Variants in GRIK2 observed in about 807,000 individuals in gnomAD.
The protein encoded by GRIK2 is glutamate ionotropic receptor kainate type subunit 2.
A neutral mutation model predicts 100.3 loss-of-function variants in GRIK2; 32 were observed. The ratio of observed to expected loss-of-function variants is 0.32; its 90% confidence interval spans 0.24 to 0.43. The LOEUF (loss-of-function observed/expected upper bound fraction) is 0.43. Ranked by LOEUF, GRIK2 falls within the 20% of genes least tolerant of loss-of-function variation. GRIK2 has a pLI of 1.00. For missense variants in GRIK2, 843 were observed against 1,114.9 expected (o/e 0.76, Z 3.47); for synonymous variants, 417 against 389.4 (o/e 1.07, Z -0.83).
intron 2 of GRIK2, among the ~76,000 whole-genome samples, chr6:101,515,021 ATTTATAGTCT>A (rs1774513321): frequency 6.6e-6 from 1 of 152,020 alleles, no homozygotes; most frequent in Non-Finnish European, 1.5e-5. Flanking sequence ...ACTGCATCAT[ATTTATAGTCT>A]TTTATCCTTT....
chr6:101,919,398 T>C (rs2791796), intron 12 of GRIK2, among the ~76,000 whole-genome samples: 143,046 of 151,838 alleles, frequency 0.94, 67,407 homozygotes, highest in Middle Eastern at 0.97. Flanking sequence ...TAAAAGAAGA[T>C]ACACTTTAAG....
At chr6:101,805,696 A>T (rs1009249649) in intron 9 of GRIK2, among the ~76,000 whole-genome samples, 4 of 152,042 alleles carry the variant, frequency 2.6e-5, no homozygotes, top group Non-Finnish European at 4.4e-5. Flanking sequence ...GACTCATTAG[A>T]CTTATAAAAT....
At chr6:101,919,008 C>G (rs1423667796) in intron 12 of GRIK2, among the ~76,000 whole-genome samples, 6 of 151,676 alleles carry the variant, frequency 4.0e-5, no homozygotes, top group Admixed American at 2.6e-4. Context: ...AGGAAGAGGA[C>G]TTTTCACTTA....
intron 7 of GRIK2, among the ~76,000 whole-genome samples, chr6:101,722,454 AC>A (rs1774552413): frequency 6.6e-6 from 1 of 152,090 alleles, no homozygotes; most frequent in Non-Finnish European, 1.5e-5. Context: ...GTTTATACTT[AC>A]GTCTTTCACA....
At chr6:101,838,928 C>T (rs1783322007) in intron 10 of GRIK2, among the ~76,000 whole-genome samples, 1 of 152,102 alleles carries the variant, frequency 6.6e-6, no homozygotes, top group Non-Finnish European at 1.5e-5. Context: ...GCTGGGATTA[C>T]AGGCTTGAGC....
At chr6:101,899,971 G>C (rs1787732772) in intron 12 of GRIK2, among the ~76,000 whole-genome samples, 1 of 151,996 alleles carries the variant, frequency 6.6e-6, no homozygotes, top group Non-Finnish European at 1.5e-5. Context: ...TAATAATCTA[G>C]TGATTTTACA....
rs564183636 is a variant in GRIK2 at position 101,782,142 on chromosome 6, C to T, written c.952-17506C>T. Reference sequence around the variant, plus strand: ...GGATATTCACTACTTCTAGCATGATCGAGTCACGGTATTTGGGATATTCAC... The same window carrying T: ...GGATATTCACTACTTCTAGCATGATTGAGTCACGGTATTTGGGATATTCAC... On this transcript the variant is annotated intron_variant, in intron 7 of 16. Coordinates refer to ENST00000369134, the MANE Select transcript of GRIK2 (RefSeq NM_021956.5). Among the ~76,000 whole-genome samples, 10 of 152,220 alleles carry T rather than the reference C, an allele frequency of 6.6e-5. No individual in the cohort carries two copies. In the East Asian group the frequency reaches 7.7e-4, roughly 12 times the overall value.
chr6:101,600,945 A>G (rs1779182505), intron 2 of GRIK2, among the ~76,000 whole-genome samples: 2 of 151,610 alleles, frequency 1.3e-5, no homozygotes, highest in Admixed American at 1.3e-4. Context: ...CTACTGGCCT[A>G]GCCACAGCCA....
intron 2 of GRIK2, among the ~76,000 whole-genome samples, chr6:101,420,146 G>T (rs1776344577): frequency 6.6e-6 from 1 of 152,168 alleles, no homozygotes; most frequent in South Asian, 2.1e-4. Context: ...AGAGCAAGTT[G>T]ATCGCCCTCA....
At position 101,693,872 on chromosome 6, in the gene GRIK2, A is replaced by G. The variant is rs368990626; in HGVS notation, c.951+7519A>G. Among the ~76,000 whole-genome samples the G allele has an allele frequency of 6.6e-4, 101 of 152,174 alleles. 1 individual carries two copies. In the South Asian group the frequency reaches 0.019, roughly 28 times the overall value. On this transcript the variant is annotated intron_variant, in intron 7 of 16. Transcript: ENST00000369134. ...ATATGTATATGATCCAACAAGTGGC[A>G]TATTTTGGGGTGGCATATCCTGAAC...
At position 102,065,785 on chromosome 6, in the gene GRIK2, A is replaced by C. The variant is rs902588695; in HGVS notation, c.2563-2562A>C. 4 of 1,499,010 alleles carry C rather than the reference A, an allele frequency of 2.7e-6. No homozygotes were observed. In the African/African-American group the frequency reaches 4.3e-5, roughly 16 times the overall value. 92.9% of individuals were successfully genotyped at this position (1,499,010 alleles called of 1,614,324 possible). A position where few individuals can be genotyped will look rare whatever the true frequency, so the allele number is the denominator to read the frequency against. ...GTCATCTAATTAATTCTTCTGTTAA[A>C]TGTTTCAACAGAGAGCCAAGACTAA... On this transcript the variant is annotated intron_variant, in intron 16 of 16. Coordinates refer to ENST00000369134, the MANE Select transcript of GRIK2 (RefSeq NM_021956.5).
At chr6:101,945,685 A>G in intron 14 of GRIK2, among the ~76,000 whole-genome samples, 1 of 152,124 alleles carries the variant, frequency 6.6e-6, no homozygotes, top group East Asian at 1.9e-4. Context: ...CACTTTCCTA[A>G]GAGTATTTAA....
At chr6:101,731,610 T>C (rs943536595) in intron 7 of GRIK2, among the ~76,000 whole-genome samples, 1 of 151,926 alleles carries the variant, frequency 6.6e-6, no homozygotes, top group Non-Finnish European at 1.5e-5. Flanking sequence ...ATTGTTACTC[T>C]TATACAGATA....
chr6:101,952,330 G>A (rs1791650768), intron 14 of GRIK2, among the ~76,000 whole-genome samples: 1 of 152,154 alleles, frequency 6.6e-6, no homozygotes, highest in African/African-American at 2.4e-5. Context: ...TTTACTGGTT[G>A]AAGTACAACT....
chr6:101,424,467 G>A (rs1190992289), intron 2 of GRIK2, among the ~76,000 whole-genome samples: 2 of 151,270 alleles, frequency 1.3e-5, no homozygotes, highest in African/African-American at 4.9e-5. Context: ...ATGGTTTCCA[G>A]CTTCATCCAT....
At chr6:101,922,122 T>TCCTTCCTC (rs1789581326) in intron 12 of GRIK2, among the ~76,000 whole-genome samples, 2 of 16,020 alleles carry the variant, frequency 1.2e-4, no homozygotes, top group Non-Finnish European at 2.8e-4. Flanking sequence ...CTTCCTTCCT[T>TCCTTCCTC]CCTTCCTTCC....
intron 14 of GRIK2, among the ~76,000 whole-genome samples, chr6:101,973,683 G>C (rs551272628): frequency 1.3e-5 from 2 of 151,890 alleles, no homozygotes; most frequent in Non-Finnish European, 2.9e-5. Context: ...ATATTGTCAA[G>C]TATTGGGGGG....
At position 102,054,560 on chromosome 6, in the gene GRIK2, C is replaced by T. The variant is rs567752033; in HGVS notation, c.2312-770C>T. 8.3e-3 allele frequency among the ~76,000 whole-genome samples: 1,257 copies of T among 152,128 alleles called. 7 individuals carry two copies. The highest frequency in any genetic ancestry group is 0.014 in the Non-Finnish European group (953 of 67,968). ...CAATGAATTAGCAGATATTACTTAT[C>T]ATGTAATATCTAATGCAGATGAGTA... is the stretch of plus-strand genomic sequence containing the variant. On this transcript the variant is annotated intron_variant, in intron 15 of 16. Coordinates refer to ENST00000369134, the MANE Select transcript of GRIK2 (RefSeq NM_021956.5).
chr6:101,719,394 C>T (rs564930168), intron 7 of GRIK2, among the ~76,000 whole-genome samples: 6 of 151,864 alleles, frequency 4.0e-5, no homozygotes, highest in East Asian at 3.9e-4. Flanking sequence ...ATATACATGA[C>T]TTAGTGGTAA....
Sources: allele counts gnomAD v4.1 joint callset (sites outside exome capture counted in the v4.1 genomes callset), GRCh38; gene constraint gnomAD v4.1.1; transcripts MANE v1.5; gene names NCBI Gene and HGNC (gene_info 2026-07-23, HGNC 2026-07-21).